The following FOXO1 variants were observed in gnomAD, a reference collection of about 807,000 sequenced individuals.
FOXO1 encodes forkhead box O1.
In FOXO1, 6 loss-of-function variants were observed where a neutral mutation model predicts 44.1. The observed-to-expected ratio is 0.14, with a 90% CI of 0.07 to 0.27. The LOEUF is 0.27. Among genes scored for constraint, FOXO1 ranks in the 10% least tolerant of loss-of-function variants. The pLI, the probability that FOXO1 is intolerant of heterozygous loss-of-function variation, is 1.00. For missense variants in FOXO1, 737 were observed against 888.8 expected, an observed-to-expected ratio of 0.83 and a Z score of 2.17; for synonymous variants, 380 against 362.7, an observed-to-expected ratio of 1.05 and a Z score of -0.54.
intron 1 of FOXO1, among the ~76,000 whole-genome samples, chr13:40,607,177 G>A (rs1024833911): frequency 6.6e-6 from 1 of 152,144 alleles, no homozygotes; most frequent in Non-Finnish European, 1.5e-5. Context: ...TTGGGCCTCT[G>A]GTACAGAAGG....
At chr13:40,650,082 A>G (rs1323768524) in intron 1 of FOXO1, among the ~76,000 whole-genome samples, 1 of 152,158 alleles carries the variant, frequency 6.6e-6, no homozygotes, top group Non-Finnish European at 1.5e-5. Flanking sequence ...CTGATTGCCC[A>G]TTTTTATGGC....
chr13:40,652,356 G>A (rs757392135), intron 1 of FOXO1, among the ~76,000 whole-genome samples: 11 of 145,750 alleles, frequency 7.5e-5, no homozygotes, highest in Admixed American at 2.2e-4. Flanking sequence ...CAAGATCTCC[G>A]CTCACTGCAA....
intron 1 of FOXO1, among the ~76,000 whole-genome samples, chr13:40,636,145 G>A (rs982135127): frequency 4.6e-5 from 7 of 152,064 alleles, no homozygotes; most frequent in Non-Finnish European, 1.0e-4. Flanking sequence ...AACCTGGGAG[G>A]CGGAGGTTGC....
At chr13:40,566,303 T>G (rs971307619) in intron 1 of FOXO1, among the ~76,000 whole-genome samples, 1 of 151,794 alleles carries the variant, frequency 6.6e-6, no homozygotes, top group Non-Finnish European at 1.5e-5. Context: ...CCCAGGATGC[T>G]CCCAGACCCA....
intron 1 of FOXO1, among the ~76,000 whole-genome samples, chr13:40,621,663 A>G (rs537422479): frequency 6.6e-6 from 1 of 152,306 alleles, no homozygotes; most frequent in East Asian, 1.9e-4. Context: ...TAGGTTAAAA[A>G]CCAATCTTCT....
chr13:40,662,716 C>G (rs1232414907), intron 1 of FOXO1, among the ~76,000 whole-genome samples: 1 of 152,192 alleles, frequency 6.6e-6, no homozygotes, highest in Non-Finnish European at 1.5e-5. Flanking sequence ...AAGCAGCACA[C>G]AAGAAACTAT....
intron 1 of FOXO1, among the ~76,000 whole-genome samples, chr13:40,607,827 G>A (rs1250344664): frequency 6.6e-6 from 1 of 152,232 alleles, no homozygotes; most frequent in Non-Finnish European, 1.5e-5. Context: ...AAGGAGACGG[G>A]CTAGCCCAGT....
intron 1 of FOXO1, among the ~76,000 whole-genome samples, chr13:40,605,384 G>A (rs890393263): frequency 6.6e-6 from 1 of 152,184 alleles, no homozygotes; most frequent in Non-Finnish European, 1.5e-5. Flanking sequence ...GCTCACAGTT[G>A]GTGCTTAAAA....
chr13:40,621,731 CTA>C (rs1876623811), intron 1 of FOXO1, among the ~76,000 whole-genome samples: 1 of 152,150 alleles, frequency 6.6e-6, no homozygotes, highest in Admixed American at 6.5e-5. Flanking sequence ...GTATTTATGT[CTA>C]GACATTTCTA....
At chr13:40,561,568 C>T (rs955550952) in intron 1 of FOXO1, among the ~76,000 whole-genome samples, 3 of 151,914 alleles carry the variant, frequency 2.0e-5, no homozygotes, top group Non-Finnish European at 4.4e-5. Context: ...AAACTACTGC[C>T]AATTCTCTTC....
At chr13:40,651,149 G>A (rs1877675646) in intron 1 of FOXO1, among the ~76,000 whole-genome samples, 1 of 150,942 alleles carries the variant, frequency 6.6e-6, no homozygotes, top group African/African-American at 2.5e-5. Context: ...GTGTTGCCCA[G>A]CCTGGACTTG....
At chr13:40,606,386 T>G (rs934302953) in intron 1 of FOXO1, among the ~76,000 whole-genome samples, 10 of 152,174 alleles carry the variant, frequency 6.6e-5, no homozygotes. Context: ...CTTAGCTCAC[T>G]GCAACCTCTG....
At chr13:40,583,447 T>C (rs1283460844) in intron 1 of FOXO1, among the ~76,000 whole-genome samples, 1 of 152,234 alleles carries the variant, frequency 6.6e-6, no homozygotes, top group Non-Finnish European at 1.5e-5. Flanking sequence ...GATGGCATCT[T>C]CTTCCAATAG....
Position 40,559,640 on chromosome 13 carries a change from G to A in FOXO1, c.1851C>T (p.Ile617=), listed in dbSNP as rs755586255. 4 of 1,614,206 alleles carry A rather than the reference G, an allele frequency of 2.5e-6. No homozygotes were observed. Among genetic ancestry groups the A allele is most frequent in the Non-Finnish European group, 3.4e-6 (4 of 1,180,030 alleles). ...IERLDCDMES[I]IRNDLMDGDT... is the part of the protein sequence containing the mutation. Reference sequence around the variant, plus strand: ...CTCCATCCATGAGGTCATTCCGAATGATGGATTCCATGTCACAGTCTAAGC... The same window carrying A: ...CTCCATCCATGAGGTCATTCCGAATAATGGATTCCATGTCACAGTCTAAGC... The change falls in exon 2 of 3, where the codon ATC becomes ATT. Residue 617 remains isoleucine (I), a synonymous_variant. Transcript: ENST00000379561.
intron 1 of FOXO1, among the ~76,000 whole-genome samples, chr13:40,642,356 C>G (rs1003702716): frequency 6.6e-6 from 1 of 152,122 alleles, no homozygotes; most frequent in African/African-American, 2.4e-5. Flanking sequence ...ATTCCCTCAA[C>G]CAGTGTACTT....
chr13:40,622,215 A>G (rs1593404118), intron 1 of FOXO1, among the ~76,000 whole-genome samples: 2 of 152,328 alleles, frequency 1.3e-5, no homozygotes, highest in Middle Eastern at 3.4e-3. Context: ...TGGTTTCTCA[A>G]ATTTAGTGTT....
At chr13:40,626,658 C>T (rs551040371) in intron 1 of FOXO1, among the ~76,000 whole-genome samples, 1 of 152,288 alleles carries the variant, frequency 6.6e-6, no homozygotes, top group African/African-American at 2.4e-5. Flanking sequence ...TTTCAAAACC[C>T]GTCCTTAAAG....
chr13:40,624,761 T>C (rs566066886), intron 1 of FOXO1, among the ~76,000 whole-genome samples: 25 of 152,344 alleles, frequency 1.6e-4, no homozygotes, highest in African/African-American at 4.8e-4. Context: ...GGTAAGCATG[T>C]AATGGAACAT....
At chr13:40,624,538 T>A (rs886658669) in intron 1 of FOXO1, among the ~76,000 whole-genome samples, 2 of 152,096 alleles carry the variant, frequency 1.3e-5, no homozygotes. Flanking sequence ...GCACTCTGAC[T>A]AAAGGGGGTG....
Sources: gnomAD v4.1 joint callset for allele counts (sites outside exome capture counted in the v4.1 genomes callset) on GRCh38, gnomAD v4.1.1 for gene constraint, MANE v1.5 for transcripts, NCBI Gene and HGNC (gene_info 2026-07-23, HGNC 2026-07-21) for gene names.